Variants in DRD2 observed in about 807,000 individuals in gnomAD.
DRD2 encodes the protein D(2) dopamine receptor.
In DRD2, 8 loss-of-function variants were observed where a neutral mutation model predicts 38.0. That is an observed-to-expected ratio of 0.21 (90% confidence interval 0.12 to 0.38). The LOEUF is 0.38. Ranked by LOEUF, DRD2 falls within the 10% of genes least tolerant of loss-of-function variation. DRD2 has a pLI of 1.00. For missense variants in DRD2, 403 were observed against 607.7 expected, an observed-to-expected ratio of 0.66 and a Z score of 3.54; for synonymous variants, 230 against 238.6, an observed-to-expected ratio of 0.96 and a Z score of 0.33.
intron 1 of DRD2, among the ~76,000 whole-genome samples, chr11:113,452,789 AG>A (rs766811333): frequency 4.6e-5 from 7 of 151,868 alleles, no homozygotes; most frequent in Non-Finnish European, 8.8e-5. Context: ...CTGGGATCAC[AG>A]GTTTCTGCCA....
At position 113,415,476 on chromosome 11, in the gene DRD2, A is replaced by C. The variant is rs1950816522; in HGVS notation, c.668T>G (p.Val223Gly). Residue 223 changes from valine to glycine, a missense_variant, in exon 5 of 8, where the codon GTC becomes GGC. Around this residue, in one of 4 missense-constraint regions of DRD2, gnomAD observed 166 missense variants for 178.6 expected, o/e 0.93. Coordinates refer to ENST00000362072, the MANE Select transcript of DRD2 (RefSeq NM_000795.4). Reference sequence around the variant, plus strand: ...AGCTCGGCTGCTGCGTTTGGTGTTGACTCGCTTGCGGCGTCTGCGGAGGAC... The same window carrying C: ...AGCTCGGCTGCTGCGTTTGGTGTTGCCTCGCTTGCGGCGTCTGCGGAGGAC... ...YIVLRRRRKR[V>G]NTKRSSRAFR... 6.2e-7 allele frequency: 1 copy of C among 1,613,644 alleles called. No homozygotes were observed.
chr11:113,432,716 TC>T (rs201475748), intron 1 of DRD2, among the ~76,000 whole-genome samples: 3,371 of 152,268 alleles, frequency 0.022, 42 homozygotes, highest in South Asian at 0.061. Flanking sequence ...GGTAAGAGGT[TC>T]CTTTCCAGGA....
At chr11:113,413,909 G>C in intron 6 of DRD2, 1 of 267,184 alleles carries the variant, frequency 3.7e-6, no homozygotes, top group South Asian at 4.3e-5. Flanking sequence ...GCTCATGTCA[G>C]TGGAAAGAAC....
chr11:113,438,626 C>T (rs994563666), intron 1 of DRD2, among the ~76,000 whole-genome samples: 3 of 152,176 alleles, frequency 2.0e-5, no homozygotes, highest in African/African-American at 7.2e-5. Context: ...TATCAGGGCA[C>T]CTGGCAGGTG....
intron 1 of DRD2, among the ~76,000 whole-genome samples, chr11:113,432,871 C>G (rs868617903): frequency 7.4e-4 from 112 of 152,214 alleles, no homozygotes; most frequent in African/African-American, 2.7e-3. Flanking sequence ...TGCGCCCGTT[C>G]CTTCCCACAT....
At chr11:113,428,884 C>T (rs1212551035) in intron 1 of DRD2, among the ~76,000 whole-genome samples, 5 of 152,164 alleles carry the variant, frequency 3.3e-5, no homozygotes, top group African/African-American at 9.7e-5. Flanking sequence ...GCCTTGGCCT[C>T]CCAAAGTGCT....
chr11:113,436,461 C>T (rs1165583671), intron 1 of DRD2, among the ~76,000 whole-genome samples: 1 of 152,074 alleles, frequency 6.6e-6, no homozygotes, highest in East Asian at 1.9e-4. Flanking sequence ...ATTTAGGGGA[C>T]AATTGAAAAT....
At chr11:113,469,121 G>A (rs149462322) in intron 1 of DRD2, among the ~76,000 whole-genome samples, 248 of 152,102 alleles carry the variant, frequency 1.6e-3, no homozygotes, top group African/African-American at 5.7e-3. Context: ...CAAAACATCC[G>A]TCTACACCTC....
intron 1 of DRD2, among the ~76,000 whole-genome samples, chr11:113,468,072 T>G (rs1160979826): frequency 6.6e-6 from 1 of 152,204 alleles, no homozygotes; most frequent in Non-Finnish European, 1.5e-5. Flanking sequence ...AGTTAACATT[T>G]AAAGAGTACT....
chr11:113,449,246 C>T (rs1172344364), intron 1 of DRD2, among the ~76,000 whole-genome samples: 1 of 152,112 alleles, frequency 6.6e-6, no homozygotes, highest in East Asian at 1.9e-4. Flanking sequence ...AGCCCACCTC[C>T]TAGAATAGCC....
intron 2 of DRD2, among the ~76,000 whole-genome samples, chr11:113,420,164 G>T (rs768730812): frequency 6.6e-6 from 1 of 152,168 alleles, no homozygotes; most frequent in African/African-American, 2.4e-5. Context: ...GGGGATCTAG[G>T]TTGAGATATC....
intron 1 of DRD2, among the ~76,000 whole-genome samples, chr11:113,449,416 G>A (rs1241064604): frequency 5.3e-5 from 8 of 152,186 alleles, no homozygotes; most frequent in African/African-American, 1.7e-4. Context: ...GGGCAGGTGA[G>A]ACAGGAAGGC....
chr11:113,425,831 A>T (rs1403728951), intron 1 of DRD2, among the ~76,000 whole-genome samples: 1 of 152,164 alleles, frequency 6.6e-6, no homozygotes, highest in Non-Finnish European at 1.5e-5. Context: ...AGACAATATG[A>T]CATGGTATCA....
chr11:113,459,009 G>T (rs916469522), intron 1 of DRD2, among the ~76,000 whole-genome samples: 2 of 152,112 alleles, frequency 1.3e-5, no homozygotes, highest in South Asian at 2.1e-4. Flanking sequence ...TATGATCTGG[G>T]GCAGCATGGA....
chr11:113,453,331 A>C (rs1024205201), intron 1 of DRD2, among the ~76,000 whole-genome samples: 3 of 152,202 alleles, frequency 2.0e-5, no homozygotes, highest in African/African-American at 7.2e-5. Context: ...GTAGTTGTAC[A>C]GATTGAGTTG....
intron 1 of DRD2, among the ~76,000 whole-genome samples, chr11:113,435,839 A>G (rs1454473579): frequency 6.6e-6 from 1 of 152,326 alleles, no homozygotes; most frequent in East Asian, 1.9e-4. Context: ...ATTTCAGGAA[A>G]GAATTGAGAA....
rs765357874 is a variant in DRD2 at position 113,412,795 on chromosome 11, G to T, written c.899C>A (p.Pro300His). The T allele has an allele frequency of 5.6e-6, 9 of 1,613,908 alleles. No homozygotes were observed. The highest frequency in any genetic ancestry group is 7.6e-6 in the Non-Finnish European group (9 of 1,179,966). The change falls in exon 7 of 8, where the codon CCC becomes CAC. Residue 300 changes from proline to histidine, a missense_variant. Around this residue, in one of 4 missense-constraint regions of DRD2, gnomAD observed 166 missense variants for 178.6 expected, o/e 0.93. Transcript: ENST00000362072. The stretch of plus-strand genomic sequence containing the variant: ...GGGGAGAGTCAGCTGGTGGTGGCTG[G>T]GTGGGATGGGGCTGTACCGGGTCCT... ...PERTRYSPIP[P>H]SHHQLTLPDP...
chr11:113,420,144 G>A (rs1275391348), intron 2 of DRD2, among the ~76,000 whole-genome samples: 1 of 152,172 alleles, frequency 6.6e-6, no homozygotes, highest in Non-Finnish European at 1.5e-5. Flanking sequence ...ACCAGTACTT[G>A]GGAGCCACTG....
intron 3 of DRD2, among the ~76,000 whole-genome samples, chr11:113,417,653 GTCATCAATGTAGGTTTCTAGAAAA>G (rs1290009453): frequency 6.6e-6 from 1 of 152,188 alleles, no homozygotes; most frequent in Non-Finnish European, 1.5e-5. Context: ...GGCCACAGGT[GTCATCAATGTAGGTTTCTAGAAAA>G]TGAAACTGAG....
Sources: gnomAD v4.1 joint callset for allele counts (sites outside exome capture counted in the v4.1 genomes callset) on GRCh38, gnomAD v4.1.1 for gene constraint, gnomAD v4.1.1 regional missense constraint, MANE v1.5 for transcripts, NCBI Gene and HGNC (gene_info 2026-07-23, HGNC 2026-07-21) for gene names.